PXDN: variants seen among roughly 807,000 people sequenced by gnomAD.
PXDN encodes the protein peroxidasin homolog.
PXDN carries 77 observed loss-of-function variants against 140.3 expected under a neutral mutation model. The ratio of observed to expected loss-of-function variants is 0.55; its 90% confidence interval spans 0.46 to 0.66. The LOEUF is 0.66. PXDN is among the 30% of genes least tolerant of loss of function. The pLI, the probability that PXDN is intolerant of heterozygous loss-of-function variation, is 0.00. For missense variants in PXDN, 1,838 were observed against 2,039.5 expected (o/e 0.90, Z 1.90); for synonymous variants, 911 against 857.4 (o/e 1.06, Z -1.09).
intron 1 of PXDN, among the ~76,000 whole-genome samples, chr2:1,743,669 A>G (rs1572211014): frequency 1.3e-5 from 1 of 76,338 alleles, no homozygotes; most frequent in African/African-American, 6.2e-5. Flanking sequence ...AGGGGAAGGG[A>G]GGAGGAGGAG....
chr2:1,698,748 G>A (rs1684353785), intron 1 of PXDN, among the ~76,000 whole-genome samples: 1 of 152,140 alleles, frequency 6.6e-6, no homozygotes, highest in Non-Finnish European at 1.5e-5. Flanking sequence ...TCTCCCAAGT[G>A]TTAGAGCAGA....
At chr2:1,702,970 C>G (rs890053) in intron 1 of PXDN, among the ~76,000 whole-genome samples, 58,628 of 124,072 alleles carry the variant, frequency 0.47, 14,139 homozygotes, top group African/African-American at 0.5. Context: ...TCTAGAAAGG[C>G]GGGACAACTC....
intron 14 of PXDN, among the ~76,000 whole-genome samples, chr2:1,659,130 C>T (rs1471761235): frequency 6.6e-6 from 1 of 152,220 alleles, no homozygotes; most frequent in Non-Finnish European, 1.5e-5. Context: ...AACCCGAGGG[C>T]CCTTCTGAAC....
intron 3 of PXDN, among the ~76,000 whole-genome samples, chr2:1,689,883 G>A (rs1306895936): frequency 6.6e-6 from 1 of 152,008 alleles, no homozygotes; most frequent in Non-Finnish European, 1.5e-5. Flanking sequence ...ACTGTCTCAA[G>A]AAATAATTTC....
chr2:1,711,344 A>G lies in PXDN; in HGVS notation c.201-18210T>C, dbSNP rs1355376042. Among the ~76,000 whole-genome samples the G allele has an allele frequency of 1.0e-3, 25 of 24,292 alleles. 2 individuals carry two copies. Among genetic ancestry groups the G allele is most frequent in the Admixed American group, 2.6e-3 (4 of 1,552 alleles). 15.9% of individuals were successfully genotyped at this position (24,292 alleles called of 152,430 possible). ...ACCAGCACCCGCTCCACCAGCACCC[A>G]CTCTCCACCAGCACCCGCTCCACCA... On this transcript the variant is annotated intron_variant, in intron 1 of 22. Transcript: ENST00000252804.
intron 1 of PXDN, among the ~76,000 whole-genome samples, chr2:1,737,376 C>T (rs908187852): frequency 2.6e-5 from 4 of 152,022 alleles, no homozygotes; most frequent in Non-Finnish European, 5.9e-5. Flanking sequence ...ATAATCTAAC[C>T]CACGAAACAG....
At chr2:1,734,675 T>C (rs1685390941) in intron 1 of PXDN, among the ~76,000 whole-genome samples, 1 of 152,122 alleles carries the variant, frequency 6.6e-6, no homozygotes, top group African/African-American at 2.4e-5. Flanking sequence ...GAGACTGTTC[T>C]GGCCAACATG....
chr2:1,709,271 C>T (rs532706488), intron 1 of PXDN, among the ~76,000 whole-genome samples: 53 of 152,282 alleles, frequency 3.5e-4, no homozygotes, highest in African/African-American at 1.2e-3. Flanking sequence ...CCACGGCGCT[C>T]GCTGCAGTGA....
intron 1 of PXDN, among the ~76,000 whole-genome samples, chr2:1,713,485 G>A (rs531628532): frequency 1.2e-4 from 19 of 152,306 alleles, no homozygotes; most frequent in Admixed American, 5.2e-4. Flanking sequence ...AGACTCCTGC[G>A]GGTGACTGCA....
intron 1 of PXDN, among the ~76,000 whole-genome samples, chr2:1,742,165 T>C (rs1038702720): frequency 6.6e-6 from 1 of 152,254 alleles, no homozygotes; most frequent in Non-Finnish European, 1.5e-5. Context: ...GCCACAGGAA[T>C]AGCGTCAGGA....
intron 1 of PXDN, among the ~76,000 whole-genome samples, chr2:1,722,319 G>A (rs2125482055): frequency 6.6e-6 from 1 of 152,324 alleles, no homozygotes; most frequent in East Asian, 1.9e-4. Flanking sequence ...TGCTGACGCA[G>A]TCTCCTCTCT....
intron 1 of PXDN, among the ~76,000 whole-genome samples, chr2:1,708,849 GGTTT>G (rs1201319779): frequency 5.9e-5 from 9 of 152,218 alleles, no homozygotes; most frequent in East Asian, 1.9e-4. Context: ...TGCCCGGCTG[GGTTT>G]GTTAAGAACC....
chr2:1,726,492 A>G (rs1042045058), intron 1 of PXDN, among the ~76,000 whole-genome samples: 8 of 151,550 alleles, frequency 5.3e-5, no homozygotes, highest in African/African-American at 7.3e-5. Flanking sequence ...TGACGAGTTA[A>G]TGGGTGCAGC....
At chr2:1,634,590 T>A (rs1223701364) in intron 22 of PXDN, among the ~76,000 whole-genome samples, 1 of 152,064 alleles carries the variant, frequency 6.6e-6, no homozygotes, top group Non-Finnish European at 1.5e-5. Flanking sequence ...ATGCCCACGG[T>A]CCTCTCACCC....
chr2:1,709,667 C>T (rs935680049), intron 1 of PXDN, among the ~76,000 whole-genome samples: 1 of 152,206 alleles, frequency 6.6e-6, no homozygotes, highest in Non-Finnish European at 1.5e-5. Flanking sequence ...TCGGTCCTCC[C>T]GCTGTCACCC....
chr2:1,738,393 A>G (rs983378638), intron 1 of PXDN, among the ~76,000 whole-genome samples: 1 of 152,122 alleles, frequency 6.6e-6, no homozygotes, highest in Non-Finnish European at 1.5e-5. Context: ...TTCCCCTCCC[A>G]GAGCACTGAT....
chr2:1,687,731 A>C lies in PXDN; in HGVS notation c.345-28T>G. On this transcript the variant is annotated intron_variant, in intron 3 of 22. Coordinates refer to ENST00000252804, the MANE Select transcript of PXDN (RefSeq NM_012293.3). The surrounding 1 kb of genome is among the most constrained non-coding windows in gnomAD (Gnocchi z 4.0). The stretch of plus-strand genomic sequence containing the variant: ...GAAACAAGAAACATTGGGGAGCATT[A>C]GCACACAGACAGGAGGTCAAACTTC... 1 of 1,467,516 alleles carries C rather than the reference A, an allele frequency of 6.8e-7. No homozygotes were observed. The highest frequency in any genetic ancestry group is 9.5e-7 in the Non-Finnish European group (1 of 1,057,390). 90.9% of individuals were successfully genotyped at this position (1,467,516 alleles called of 1,614,324 possible).
chr2:1,665,360 C>A (rs528920088), intron 10 of PXDN, among the ~76,000 whole-genome samples: 2 of 152,310 alleles, frequency 1.3e-5, no homozygotes, highest in South Asian at 2.1e-4. Flanking sequence ...CACTGCAGCT[C>A]GTGGACACCA....
Position 1,648,842 on chromosome 2 carries a change from C to A in PXDN, c.2938G>T (p.Glu980Ter). 1 of 1,600,968 alleles carries A rather than the reference C, an allele frequency of 6.2e-7. No homozygotes were observed. Among genetic ancestry groups the A allele is most frequent in the East Asian group, 2.3e-5 (1 of 44,400 alleles). Residue 980 changes from glutamate (E) to a stop codon, truncating the protein, a stop_gained, in exon 17 of 23, where the codon GAG (glutamate) becomes TAG (stop). Coordinates refer to ENST00000252804, the MANE Select transcript of PXDN (RefSeq NM_012293.3). LOFTEE classifies it high-confidence loss of function. This position sits in a 1 kb window ranked among gnomAD's most constrained non-coding sequence, Gnocchi z 8.9. ...TGCATGCTGGTCAGGCCCAGCTGCT[C>A]GTTGGCGCGGTGGTCCCCGGCCAGG... ...CFLAGDHRAN[E>*]QLGLTSMHTL...
Sources: gnomAD v4.1 joint callset for allele counts (sites outside exome capture counted in the v4.1 genomes callset) on GRCh38, gnomAD v4.1.1 for gene constraint, Gnocchi (gnomAD v3.1) non-coding constraint, MANE v1.5 for transcripts, NCBI Gene and HGNC (gene_info 2026-07-23, HGNC 2026-07-21) for gene names.